Variants in ACYP2 observed in about 807,000 individuals in gnomAD.
The protein encoded by ACYP2 is acylphosphatase-2.
ACYP2 carries 12 observed loss-of-function variants against 11.2 expected under a neutral mutation model. That is an observed-to-expected ratio of 1.08 (90% CI 0.69 to 1.74). ACYP2 has a LOEUF of 1.74. Ranked by LOEUF, ACYP2 falls within the 40% of genes most tolerant of loss-of-function variation. ACYP2 has a pLI of 0.00. For synonymous variants in ACYP2, 43 were observed against 32.2 expected, an observed-to-expected ratio of 1.33 and a Z score of -1.13; for missense variants, 134 against 101.9, an observed-to-expected ratio of 1.31 and a Z score of -1.35.
At chr2:54,269,879 T>G (rs1378047158) in intron 6 of ACYP2, among the ~76,000 whole-genome samples, 1 of 152,208 alleles carries the variant, frequency 6.6e-6, no homozygotes, top group African/African-American at 2.4e-5. Flanking sequence ...AAATAACAAA[T>G]TTTCCAGTTT....
chr2:54,094,893 CT>C (rs34164496), intron 4 of ACYP2, among the ~76,000 whole-genome samples: 85 of 145,764 alleles, frequency 5.8e-4, no homozygotes, highest in Middle Eastern at 3.5e-3. Context: ...TTTAAACTTC[CT>C]TTTTTTTTTT....
chr2:54,181,558 T>C (rs1340677251), intron 6 of ACYP2, among the ~76,000 whole-genome samples: 2 of 152,182 alleles, frequency 1.3e-5, no homozygotes, highest in African/African-American at 4.8e-5. Context: ...CACATAAATA[T>C]TAATTTCCTG....
At chr2:54,027,173 A>G (rs532384687) in intron 2 of ACYP2, among the ~76,000 whole-genome samples, 1 of 152,240 alleles carries the variant, frequency 6.6e-6, no homozygotes, top group Non-Finnish European at 1.5e-5. Context: ...GAAATAGGGT[A>G]GTTTGAAAAC....
At chr2:54,120,122 G>A (rs1223292301) in intron 4 of ACYP2, among the ~76,000 whole-genome samples, 2 of 152,210 alleles carry the variant, frequency 1.3e-5, no homozygotes, top group Non-Finnish European at 2.9e-5. Flanking sequence ...TCACCTGGCT[G>A]TGATAGTGTT....
chr2:54,274,895 G>A (rs1688480752), intron 6 of ACYP2, among the ~76,000 whole-genome samples: 1 of 152,114 alleles, frequency 6.6e-6, no homozygotes, highest in Admixed American at 6.6e-5. Context: ...CTGCAGTTTT[G>A]TGCTACCACA....
intron 4 of ACYP2, among the ~76,000 whole-genome samples, chr2:54,088,539 C>A (rs1205326222): frequency 6.6e-6 from 1 of 152,186 alleles, no homozygotes; most frequent in Non-Finnish European, 1.5e-5. Flanking sequence ...AACTGGCAAA[C>A]TGAGCCTGGG....
chr2:54,176,056 C>A (rs555637783), intron 6 of ACYP2, among the ~76,000 whole-genome samples: 6 of 152,094 alleles, frequency 3.9e-5, no homozygotes, highest in African/African-American at 1.4e-4. Flanking sequence ...TCTATTGGTG[C>A]CTCAATCTTG....
intron 6 of ACYP2, among the ~76,000 whole-genome samples, chr2:54,182,553 G>C (rs1248534940): frequency 6.6e-6 from 1 of 152,052 alleles, no homozygotes; most frequent in Non-Finnish European, 1.5e-5. Context: ...GCCCAGGCTG[G>C]TCTTGAACTC....
Position 54,205,039 on chromosome 2 carries a change from T to C in ACYP2, c.404+66291T>C, listed in dbSNP as rs1166816553. Among the ~76,000 whole-genome samples the C allele has an allele frequency of 2.6e-5, 4 of 151,116 alleles. No homozygotes were observed. The East Asian group carries it at 5.9e-4, about 22-fold the overall frequency. On this transcript the variant is annotated intron_variant, in intron 6 of 6. Coordinates refer to ENST00000607452, the MANE Select transcript of ACYP2 (RefSeq NM_001320586.2). ...TTGTGTATCCCCTTAAACATTCTTA[T>C]TACATTTTTATTGTTTCTTCCATTA...
At chr2:54,019,527 C>T (rs1192773821) in intron 2 of ACYP2, among the ~76,000 whole-genome samples, 2 of 152,108 alleles carry the variant, frequency 1.3e-5, no homozygotes, top group African/African-American at 2.4e-5. Flanking sequence ...TCTCAAACTC[C>T]TGGGCTCAAG....
chr2:54,025,861 C>T (rs940771342), intron 2 of ACYP2, among the ~76,000 whole-genome samples: 34 of 152,184 alleles, frequency 2.2e-4, no homozygotes, highest in African/African-American at 7.0e-4. Context: ...TTTGGGAGGC[C>T]GAGGCAGGAA....
At chr2:53,996,694 C>T (rs1321383159) in intron 2 of ACYP2, among the ~76,000 whole-genome samples, 2 of 152,148 alleles carry the variant, frequency 1.3e-5, no homozygotes, top group South Asian at 2.1e-4. Context: ...AAAAGGAGAT[C>T]CAAGCAATGT....
chr2:54,098,129 AT>A (rs143491612), intron 4 of ACYP2, among the ~76,000 whole-genome samples: 7,362 of 151,540 alleles, frequency 0.049, 253 homozygotes, highest in Non-Finnish European at 0.063. Flanking sequence ...TGACTGGCTA[AT>A]TTTTTAAAAA....
intron 2 of ACYP2, among the ~76,000 whole-genome samples, chr2:54,014,733 A>ATT (rs1444801091): frequency 4.0e-5 from 6 of 151,266 alleles, no homozygotes; most frequent in Admixed American, 2.6e-4. Context: ...TAAAAAAAAA[A>ATT]TTTTTTTTCT....
At chr2:54,143,893 CAAATTA>C (rs1441374243) in intron 6 of ACYP2, among the ~76,000 whole-genome samples, 1 of 151,972 alleles carries the variant, frequency 6.6e-6, no homozygotes, top group African/African-American at 2.4e-5. Context: ...TTAGTGGAAA[CAAATTA>C]GGAAATCACC....
intron 6 of ACYP2, among the ~76,000 whole-genome samples, chr2:54,237,335 G>A (rs935327675): frequency 1.0e-5 from 1 of 97,590 alleles, no homozygotes; most frequent in Non-Finnish European, 2.0e-5. Context: ...TGCTATATTT[G>A]GTTAAAAATT....
intron 6 of ACYP2, among the ~76,000 whole-genome samples, chr2:54,203,934 C>A (rs1684959823): frequency 6.6e-6 from 1 of 152,056 alleles, no homozygotes; most frequent in Non-Finnish European, 1.5e-5. Flanking sequence ...TGAATGCAGT[C>A]CAGCACAAAT....
At chr2:54,064,671 T>C (rs1476425901) in intron 4 of ACYP2, among the ~76,000 whole-genome samples, 1 of 152,112 alleles carries the variant, frequency 6.6e-6, no homozygotes, top group Non-Finnish European at 1.5e-5. Context: ...TTAATCTTAA[T>C]TATAAGTACA....
chr2:54,004,993 C>T (rs1420355423), intron 2 of ACYP2, among the ~76,000 whole-genome samples: 1 of 151,286 alleles, frequency 6.6e-6, no homozygotes, highest in Admixed American at 6.6e-5. Flanking sequence ...ATGTCTTTTG[C>T]AAGTATTTTC....
Sources: allele counts gnomAD v4.1 joint callset (sites outside exome capture counted in the v4.1 genomes callset), GRCh38; gene constraint gnomAD v4.1.1; transcripts MANE v1.5; gene names NCBI Gene and HGNC (gene_info 2026-07-23, HGNC 2026-07-21).